HADH: variants seen among roughly 807,000 people sequenced by gnomAD.
HADH encodes the protein hydroxyacyl-CoA dehydrogenase.
HADH carries 24 observed loss-of-function variants against 32.2 expected under a neutral mutation model. That is an observed-to-expected ratio of 0.75 (90% CI 0.54 to 1.05). The LOEUF (loss-of-function observed/expected upper bound fraction) is 1.05, where lower values mean the gene tolerates loss of function less well. Ranked by LOEUF, HADH falls within the 50% of genes least tolerant of loss-of-function variation. The pLI is 0.00. For missense variants in HADH, 350 were observed against 397.1 expected (o/e 0.88, Z 1.01); for synonymous variants, 139 against 152.5 (o/e 0.91, Z 0.65).
At chr4:108,009,920 G>C in intron 2 of HADH, 33 bp downstream of exon 2, 4 of 1,475,322 alleles carry the variant, frequency 2.7e-6, no homozygotes, top group Non-Finnish European at 3.8e-6. Flanking sequence ...TTCAAGACAA[G>C]TCCTCTGACT....
In HADH at chr4:108,034,389, C is replaced by T. The variant is rs1310493047; in HGVS notation, c.*32C>T. The T allele has an allele frequency of 1.5e-6, 2 of 1,293,942 alleles. No individual in the cohort carries two copies. The highest frequency in any genetic ancestry group is 2.9e-5 in the African/African-American group (2 of 68,906). The allele number at this position is 1,293,942 out of a possible 1,614,324, so 80.2% of individuals were successfully genotyped here. On this transcript the variant is annotated 3_prime_UTR_variant, in exon 8 of 8. Coordinates refer to ENST00000309522, the MANE Select transcript of HADH (RefSeq NM_005327.7). ...GCTTCTCCGGCTCTGAGAAGAACAC[C>T]TGAGAGCGCTTTCCAGCCAGTGCCC... is the stretch of plus-strand genomic sequence containing the variant.
At chr4:108,016,232 T>C (rs772944734) in intron 3 of HADH, among the ~76,000 whole-genome samples, 3 of 152,168 alleles carry the variant, frequency 2.0e-5, no homozygotes, top group Non-Finnish European at 4.4e-5. Flanking sequence ...TTGGTTGGAA[T>C]TGAATGGCAG....
chr4:108,007,718 T>C, intron 1 of HADH, among the ~76,000 whole-genome samples: 1 of 152,232 alleles, frequency 6.6e-6, no homozygotes, highest in Admixed American at 6.5e-5. Context: ...ACCAACTCCA[T>C]GTGGATAGAT....
At chr4:107,991,899 G>C (rs1392526181) in intron 1 of HADH, among the ~76,000 whole-genome samples, 3 of 152,184 alleles carry the variant, frequency 2.0e-5, no homozygotes, top group Admixed American at 6.5e-5. Flanking sequence ...CTTGTGGCTG[G>C]TGTCCTTGAA....
Position 108,034,693 on chromosome 4 carries a change from T to C in HADH, c.*336T>C, listed in dbSNP as rs1274623998. 1 of 361,154 alleles carries C rather than the reference T, an allele frequency of 2.8e-6. No homozygotes were observed. The highest frequency in any genetic ancestry group is 5.4e-6 in the Non-Finnish European group (1 of 185,006). The allele number at this position is 361,154 out of a possible 1,614,324, so 22.4% of individuals were successfully genotyped here. On this transcript the variant is annotated 3_prime_UTR_variant, in exon 8 of 8. Transcript: ENST00000309522. Reference sequence around the variant, plus strand: ...CCTTCTCTCATCAACGGGAAAGTACTTCCTCTGAGAGTGCGAGTGCACCAT... The same window carrying C: ...CCTTCTCTCATCAACGGGAAAGTACCTCCTCTGAGAGTGCGAGTGCACCAT...
chr4:108,021,798 TG>T (rs1276323098), intron 4 of HADH, among the ~76,000 whole-genome samples: 4 of 152,210 alleles, frequency 2.6e-5, no homozygotes, highest in African/African-American at 9.6e-5. Flanking sequence ...GTTTGATTTG[TG>T]GTACCCGCAG....
chr4:108,008,081 G>A (rs1327837402), intron 1 of HADH, among the ~76,000 whole-genome samples: 6 of 152,188 alleles, frequency 3.9e-5, no homozygotes, highest in Admixed American at 3.3e-4. Context: ...TCACTGACTT[G>A]AATCATTGGC....
intron 6 of HADH, chr4:108,032,505 CTTTT>C (rs1189509087): frequency 3.5e-6 from 2 of 574,522 alleles, no homozygotes; most frequent in East Asian, 5.2e-5. Flanking sequence ...GCTTAGTTTT[CTTTT>C]TAAGAAAGTT....
intron 1 of HADH, among the ~76,000 whole-genome samples, chr4:107,996,148 T>G (rs1032101577): frequency 6.6e-6 from 1 of 152,188 alleles, no homozygotes; most frequent in African/African-American, 2.4e-5. Context: ...CTCTGCCCTC[T>G]CCTTTGCAGT....
chr4:108,010,831 A>G (rs1053084612), intron 2 of HADH, among the ~76,000 whole-genome samples: 1 of 150,284 alleles, frequency 6.7e-6, no homozygotes, highest in Non-Finnish European at 1.5e-5. Context: ...ATGTTGTAAC[A>G]TGTGTCACAA....
At chr4:108,017,659 A>G (rs1010802480) in intron 3 of HADH, among the ~76,000 whole-genome samples, 1 of 151,882 alleles carries the variant, frequency 6.6e-6, no homozygotes, top group African/African-American at 2.4e-5. Flanking sequence ...GGTTCAAGCA[A>G]TTCTCCTGCC....
chr4:108,014,081 G>A (rs1205245813), intron 2 of HADH, among the ~76,000 whole-genome samples: 2 of 152,222 alleles, frequency 1.3e-5, no homozygotes, highest in African/African-American at 2.4e-5. Flanking sequence ...TTTGGCAGCA[G>A]AGGCTGTGTC....
chr4:108,014,361 G>A (rs1735616293), intron 2 of HADH, 70 bp from the exon 3 acceptor site: 1 of 1,578,820 alleles, frequency 6.3e-7, no homozygotes, highest in Non-Finnish European at 8.7e-7. Context: ...AACTGGAGCA[G>A]AGCTAAGAAC....
intron 2 of HADH, 78 bp from the exon 3 acceptor site, chr4:108,014,353 C>T (rs1356487814): frequency 1.3e-6 from 2 of 1,548,324 alleles, no homozygotes; most frequent in East Asian, 2.2e-5. Flanking sequence ...AGTTTGCTAA[C>T]TGGAGCAGAG....
intron 4 of HADH, among the ~76,000 whole-genome samples, chr4:108,021,089 A>G (rs575563898): frequency 1.3e-5 from 2 of 152,260 alleles, no homozygotes; most frequent in Admixed American, 6.5e-5. Context: ...GAAATTGAAG[A>G]ATGAAGGGGA....
At position 108,029,030 on chromosome 4, in the gene HADH, A is replaced by G. The variant is rs992076447; in HGVS notation, c.709+1270A>G. The G allele has an allele frequency of 4.8e-5, 19 of 397,122 alleles. No individual in the cohort carries two copies. In the East Asian group the frequency reaches 6.4e-4, roughly 13 times the overall value. The allele number at this position is 397,122 out of a possible 1,614,324, so 24.6% of individuals were successfully genotyped here. A position where few individuals can be genotyped will look rare whatever the true frequency, so the allele number is the denominator to read the frequency against. On this transcript the variant is annotated intron_variant, in intron 6 of 7. Transcript: ENST00000309522. ...CTCTGGGCATGGGCTTCAACAGCCTATCATTGCTGGTCCCTCTGCTTCTTT... is the reference window on the plus strand; with the variant it reads ...CTCTGGGCATGGGCTTCAACAGCCTGTCATTGCTGGTCCCTCTGCTTCTTT...
chr4:107,996,833 G>A (rs945070686), intron 1 of HADH, among the ~76,000 whole-genome samples: 2 of 151,498 alleles, frequency 1.3e-5, no homozygotes, highest in Non-Finnish European at 2.9e-5. Context: ...GGCGGAGGAT[G>A]CAGTGAGCCA....
intron 6 of HADH, chr4:108,030,447 G>A (rs1285066660): frequency 1.3e-5 from 2 of 152,330 alleles, no homozygotes; most frequent in African/African-American, 2.4e-5. Context: ...GTGTAGGGCG[G>A]GCACATAGGC....
chr4:108,016,065 G>T (rs140000633), intron 3 of HADH, among the ~76,000 whole-genome samples: 94 of 152,240 alleles, frequency 6.2e-4, no homozygotes, highest in African/African-American at 2.2e-3. Flanking sequence ...GTACTCTTGG[G>T]AGTGTTAAAG....
Sources: gnomAD v4.1 joint callset for allele counts (sites outside exome capture counted in the v4.1 genomes callset) on GRCh38, gnomAD v4.1.1 for gene constraint, MANE v1.5 for transcripts, NCBI Gene and HGNC (gene_info 2026-07-23, HGNC 2026-07-21) for gene names.